The following LYPLAL1 variants were observed in gnomAD, a reference collection of about 807,000 sequenced individuals.
LYPLAL1 encodes lysophospholipase like 1.
A neutral mutation model predicts 19.7 loss-of-function variants in LYPLAL1; 23 were observed. The ratio of observed to expected loss-of-function variants is 1.17; its 90% confidence interval spans 0.84 to 1.65. The LOEUF (loss-of-function observed/expected upper bound fraction) is 1.65, where lower values mean the gene tolerates loss of function less well. Among genes scored for constraint, LYPLAL1 ranks in the 40% most tolerant of loss-of-function variants. The pLI is 0.00. For missense variants in LYPLAL1, 355 were observed against 279.4 expected (o/e 1.27, Z -1.93); for synonymous variants, 119 against 96.3 (o/e 1.24, Z -1.38).
At chr1:219,299,447 T>G in the LYPLAL1 span, among the ~76,000 whole-genome samples, 27 of 152,326 alleles carry the variant, frequency 1.8e-4, no homozygotes, top group Non-Finnish European at 2.6e-4. Context: ...TGTGTTTTTT[T>G]GGAAGAGGTT....
the LYPLAL1 span, among the ~76,000 whole-genome samples, chr1:219,403,084 C>T: frequency 6.6e-6 from 1 of 152,124 alleles, no homozygotes; most frequent in African/African-American, 2.4e-5. Context: ...GGGCAGAAAC[C>T]AATTTCATGT....
the LYPLAL1 span, among the ~76,000 whole-genome samples, chr1:219,246,158 G>C: frequency 2.0e-5 from 3 of 152,080 alleles, no homozygotes; most frequent in Non-Finnish European, 4.4e-5. Flanking sequence ...CCATGAAAGA[G>C]AATGGAGTTA....
At chr1:219,308,816 G>A in the LYPLAL1 span, among the ~76,000 whole-genome samples, 1 of 152,250 alleles carries the variant, frequency 6.6e-6, no homozygotes, top group Admixed American at 6.5e-5. Flanking sequence ...TGCTAGAGCA[G>A]TACAGAAGGG....
intron 3 of LYPLAL1, among the ~76,000 whole-genome samples, chr1:219,205,777 G>A (rs1237582651): frequency 1.3e-5 from 2 of 152,160 alleles, no homozygotes; most frequent in East Asian, 1.9e-4. Context: ...ACTTCAGAAT[G>A]ATAGCATTCT....
the LYPLAL1 span, among the ~76,000 whole-genome samples, chr1:219,242,450 A>G: frequency 2.6e-5 from 4 of 152,294 alleles, no homozygotes; most frequent in East Asian, 7.7e-4. Flanking sequence ...CAGAGACAGA[A>G]GCAGGGCCTA....
At chr1:219,307,153 T>C in the LYPLAL1 span, among the ~76,000 whole-genome samples, 51 of 152,206 alleles carry the variant, frequency 3.4e-4, no homozygotes, top group African/African-American at 1.2e-3. Context: ...GCAATGGAAG[T>C]ATGTGGCAGA....
the LYPLAL1 span, among the ~76,000 whole-genome samples, chr1:219,397,804 G>C: frequency 2.0e-5 from 3 of 152,036 alleles, no homozygotes; most frequent in Admixed American, 6.6e-5. Flanking sequence ...TTTCTTCTTT[G>C]CTTATGAATC....
chr1:219,368,442 T>C, the LYPLAL1 span, among the ~76,000 whole-genome samples: 1 of 152,210 alleles, frequency 6.6e-6, no homozygotes, highest in Non-Finnish European at 1.5e-5. Context: ...CCATAACCTA[T>C]GCTGAAGCCA....
At chr1:219,186,516 C>T (rs1223664800) in intron 2 of LYPLAL1, among the ~76,000 whole-genome samples, 2 of 131,658 alleles carry the variant, frequency 1.5e-5, no homozygotes, top group East Asian at 4.4e-4. Flanking sequence ...GGTGCATATT[C>T]ATGTAGTAAT....
chr1:219,362,292 T>A, the LYPLAL1 span, among the ~76,000 whole-genome samples: 2 of 152,250 alleles, frequency 1.3e-5, no homozygotes, highest in Non-Finnish European at 2.9e-5. Flanking sequence ...ACTAATTGTG[T>A]GATCTTAGAC....
the LYPLAL1 span, among the ~76,000 whole-genome samples, chr1:219,331,391 T>C: frequency 1.3e-5 from 2 of 152,112 alleles, no homozygotes; most frequent in African/African-American, 4.8e-5. Context: ...TAGGTGGAGG[T>C]TGGCTGATCC....
At chr1:219,241,134 CTATATATA>C in the LYPLAL1 span, among the ~76,000 whole-genome samples, 18 of 44,366 alleles carry the variant, frequency 4.1e-4, no homozygotes, top group Admixed American at 2.8e-3. Context: ...CTCTCTCTCT[CTATATATA>C]TATATATATA....
intron 2 of LYPLAL1, among the ~76,000 whole-genome samples, chr1:219,179,856 G>GCATA (rs1395943433): frequency 1.3e-5 from 2 of 152,128 alleles, no homozygotes; most frequent in Non-Finnish European, 2.9e-5. Context: ...ATTAACATCT[G>GCATA]CATAGTCTTT....
chr1:219,177,250 C>A (rs1655891248), intron 1 of LYPLAL1, among the ~76,000 whole-genome samples: 1 of 152,116 alleles, frequency 6.6e-6, no homozygotes, highest in African/African-American at 2.4e-5. Context: ...GTACTGGCAT[C>A]CAGGTAGTGT....
the LYPLAL1 span, among the ~76,000 whole-genome samples, chr1:219,368,073 A>G: frequency 6.6e-6 from 1 of 151,106 alleles, no homozygotes; most frequent in Non-Finnish European, 1.5e-5. Flanking sequence ...TTTTACCTTT[A>G]GTAGCAAATA....
chr1:219,180,544 A>G lies in LYPLAL1; in HGVS notation c.191+1298A>G, dbSNP rs373908665. The stretch of plus-strand genomic sequence containing the variant: ...TTTGGTAATCTAGTTAAAAGACCCA[A>G]TCACCAGTGGTTATTTTTGTGCTAT... On this transcript the variant is annotated intron_variant, in intron 2 of 4. Coordinates refer to ENST00000366928, the MANE Select transcript of LYPLAL1 (RefSeq NM_138794.5). Among the ~76,000 whole-genome samples, 109 of 152,342 alleles carry G rather than the reference A, an allele frequency of 7.2e-4. 1 individual carries two copies. In the South Asian group the frequency reaches 0.022, roughly 30 times the overall value.
chr1:219,387,989 C>A, the LYPLAL1 span, among the ~76,000 whole-genome samples: 1 of 152,174 alleles, frequency 6.6e-6, no homozygotes, highest in Non-Finnish European at 1.5e-5. Context: ...ACCACTACCT[C>A]ATGAAAAGCT....
At chr1:219,244,656 C>A in the LYPLAL1 span, among the ~76,000 whole-genome samples, 4 of 152,184 alleles carry the variant, frequency 2.6e-5, no homozygotes, top group Admixed American at 2.0e-4. Context: ...TTATAAAAGA[C>A]CACTTGTGGC....
the LYPLAL1 span, among the ~76,000 whole-genome samples, chr1:219,260,588 C>G: frequency 6.7e-6 from 1 of 148,530 alleles, no homozygotes; most frequent in Non-Finnish European, 1.5e-5. Flanking sequence ...ACAGAGGGGT[C>G]GAATAATACA....
Sources: allele counts gnomAD v4.1 joint callset (sites outside exome capture counted in the v4.1 genomes callset), GRCh38; gene constraint gnomAD v4.1.1; transcripts MANE v1.5; gene names NCBI Gene and HGNC (gene_info 2026-07-23, HGNC 2026-07-21).